The following MID1 variants were observed in gnomAD, a reference collection of about 807,000 sequenced individuals.
MID1 encodes E3 ubiquitin-protein ligase Midline-1.
In MID1, 7 loss-of-function variants were observed where a neutral mutation model predicts 40.4. The observed-to-expected ratio is 0.17, with a 90% confidence interval of 0.10 to 0.33. The LOEUF (loss-of-function observed/expected upper bound fraction) is 0.33. Ranked by LOEUF, MID1 falls within the 10% of genes least tolerant of loss-of-function variation. The pLI, the probability that MID1 is intolerant of heterozygous loss-of-function variation, is 1.00. For synonymous variants in MID1, 229 were observed against 221.2 expected (o/e 1.04, Z -0.31); for missense variants, 367 against 558.5 (o/e 0.66, Z 3.46).
At chrX:10,697,840 C>T (rs1326276595) in intron 1 of MID1, among the ~76,000 whole-genome samples, 1 of 111,581 alleles carries the variant, frequency 9.0e-6, no homozygotes, top group African/African-American at 3.3e-5. Flanking sequence ...AGCAGCATCC[C>T]TAGCCTCTAC....
intron 6 of MID1, among the ~76,000 whole-genome samples, chrX:10,473,510 T>A (rs147461817): frequency 8.9e-6 from 1 of 112,088 alleles, no homozygotes; most frequent in African/African-American, 3.2e-5. Context: ...CTGGGTACAA[T>A]GCTCCCTGAA....
intron 1 of MID1, among the ~76,000 whole-genome samples, chrX:10,568,075 C>T (rs1459104379): frequency 9.0e-6 from 1 of 111,430 alleles, no homozygotes; most frequent in Non-Finnish European, 1.9e-5. Context: ...CTCTGCAATA[C>T]CAAACCAGGT....
intron 6 of MID1, among the ~76,000 whole-genome samples, chrX:10,471,196 C>A (rs1929689118): frequency 8.9e-6 from 1 of 112,223 alleles, no homozygotes; most frequent in African/African-American, 3.2e-5. Context: ...AAACTAGGAG[C>A]AACCTTTGCT....
intron 1 of MID1, among the ~76,000 whole-genome samples, chrX:10,693,193 CTTT>C (rs758493757): frequency 2.1e-5 from 2 of 93,333 alleles, no homozygotes; most frequent in African/African-American, 4.0e-5. Flanking sequence ...GGTGTTTTAA[CTTT>C]TTTTTTTTTT....
chrX:10,565,547 G>A (rs190083274), intron 2 of MID1: 28 of 327,815 alleles, frequency 8.5e-5, no homozygotes, highest in African/African-American at 6.9e-4. Flanking sequence ...GATTCATTTT[G>A]TTTGCTCAAC....
chrX:10,558,637 C>T (rs184518729), intron 2 of MID1, among the ~76,000 whole-genome samples: 1 of 113,074 alleles, frequency 8.8e-6, no homozygotes, highest in Non-Finnish European at 1.9e-5. Flanking sequence ...TTAACCATTA[C>T]ACATTCTGCC....
intron 2 of MID1, among the ~76,000 whole-genome samples, chrX:10,536,299 GA>G (rs887790810): frequency 1.2e-4 from 13 of 107,149 alleles, no homozygotes; most frequent in Admixed American, 3.0e-4. Flanking sequence ...CTTGCCTGGG[GA>G]AAAAAAAAAT....
intron 1 of MID1, among the ~76,000 whole-genome samples, chrX:10,662,688 C>T (rs751161890): frequency 8.9e-6 from 1 of 111,850 alleles, no homozygotes; most frequent in South Asian, 3.8e-4. Flanking sequence ...CTTCACATTC[C>T]CATGGCCTTC....
rs146726247 is a variant in MID1 at position 10,788,483 on chromosome X, C to T, written c.-187+45071G>A. On this transcript the variant is annotated intron_variant, in intron 1 of 10. Transcript: ENST00000380785. ...TGCAGTCAGGGAGAAGAATGAAGCA[C>T]CATCTCTGTTTTCAGGGAATTCCAA... is the stretch of plus-strand genomic sequence containing the variant. 2.8e-3 allele frequency among the ~76,000 whole-genome samples: 308 copies of T among 111,151 alleles called. 1 individual carries two copies. Among genetic ancestry groups the T allele is most frequent in the Middle Eastern group, 0.014 (3 of 216 alleles).
intron 1 of MID1, among the ~76,000 whole-genome samples, chrX:10,727,545 T>G (rs1027758272): frequency 8.9e-6 from 1 of 112,398 alleles, no homozygotes; most frequent in Non-Finnish European, 1.9e-5. Context: ...ACTTCGCAAT[T>G]TTTTTTCAAG....
intron 9 of MID1, among the ~76,000 whole-genome samples, chrX:10,452,473 G>A (rs1055489032): frequency 8.9e-6 from 1 of 111,952 alleles, no homozygotes; most frequent in African/African-American, 3.3e-5. Flanking sequence ...AGTGAGACAC[G>A]GAGAATTCAA....
chrX:10,453,246 T>C (rs959493098), intron 9 of MID1, among the ~76,000 whole-genome samples: 2 of 111,928 alleles, frequency 1.8e-5, no homozygotes, highest in Non-Finnish European at 3.8e-5. Flanking sequence ...AAGCTTACAA[T>C]TCACTTCTTA....
intron 2 of MID1, among the ~76,000 whole-genome samples, chrX:10,562,007 T>G (rs1934357734): frequency 9.3e-6 from 1 of 107,005 alleles, no homozygotes; most frequent in African/African-American, 3.7e-5. Context: ...AAAGAAAATG[T>G]GGCACATATA....
intron 1 of MID1, among the ~76,000 whole-genome samples, chrX:10,632,317 C>T (rs1469782577): frequency 1.8e-5 from 2 of 111,697 alleles, no homozygotes; most frequent in African/African-American, 6.5e-5. Flanking sequence ...CACTTAAACT[C>T]TCTGAGCTAC....
At chrX:10,624,724 C>T (rs1448367213), upstream of MID1, among the ~76,000 whole-genome samples, 1 of 112,086 alleles carries the variant, frequency 8.9e-6, no homozygotes, top group Non-Finnish European at 1.9e-5. Flanking sequence ...GATTCTCCCA[C>T]CTCAGCCTCC....
At chrX:10,545,060 G>T (rs1288236514) in intron 2 of MID1, among the ~76,000 whole-genome samples, 2 of 111,499 alleles carry the variant, frequency 1.8e-5, no homozygotes, top group African/African-American at 6.5e-5. Context: ...AGGTTCAAGT[G>T]ATTCTCCTGT....
At chrX:10,808,941 C>T (rs1324335268) in intron 1 of MID1, among the ~76,000 whole-genome samples, 1 of 111,765 alleles carries the variant, frequency 8.9e-6, no homozygotes, top group African/African-American at 3.3e-5. Flanking sequence ...TCTAATTAAA[C>T]TAAAGAGCTT....
chrX:10,589,741 C>T (rs2525069), intron 1 of MID1: 37,799 of 109,236 alleles, frequency 0.35, 5,755 homozygotes, highest in Non-Finnish European at 0.48. Context: ...CGCGTCGCTC[C>T]GGCTGGTTGG....
intron 1 of MID1, among the ~76,000 whole-genome samples, chrX:10,665,126 G>C (rs1462180715): frequency 8.9e-6 from 1 of 112,082 alleles, no homozygotes; most frequent in East Asian, 2.8e-4. Context: ...TGAGATATTT[G>C]AACCGTTTTT....
Sources: gnomAD v4.1 joint callset for allele counts (sites outside exome capture counted in the v4.1 genomes callset) on GRCh38, gnomAD v4.1.1 for gene constraint, MANE v1.5 for transcripts, NCBI Gene and HGNC (gene_info 2026-07-23, HGNC 2026-07-21) for gene names.